FHOD3: variants seen among roughly 807,000 people sequenced by gnomAD.
The protein encoded by FHOD3 is FH1/FH2 domain-containing protein 3.
Under a neutral mutation model 173.0 loss-of-function variants are expected in FHOD3, and 90 were observed. That is an observed-to-expected ratio of 0.52 (90% CI 0.44 to 0.62). FHOD3 has a LOEUF of 0.62. Among genes scored for constraint, FHOD3 ranks in the 20% least tolerant of loss-of-function variants. The pLI, the probability that FHOD3 is intolerant of heterozygous loss-of-function variation, is 0.00. For missense variants in FHOD3, 1,945 were observed against 2,034.7 expected (o/e 0.96, Z 0.85); for synonymous variants, 828 against 823.0 (o/e 1.01, Z -0.10).
At chr18:36,504,941 C>T (rs1179167344) in intron 4 of FHOD3, among the ~76,000 whole-genome samples, 1 of 152,136 alleles carries the variant, frequency 6.6e-6, no homozygotes, top group African/African-American at 2.4e-5. Context: ...TGCAGGCTCA[C>T]AACACACGAT....
At chr18:36,703,291 C>G (rs1694235060) in intron 17 of FHOD3, among the ~76,000 whole-genome samples, 1 of 152,154 alleles carries the variant, frequency 6.6e-6, no homozygotes, top group African/African-American at 2.4e-5. Context: ...TTCTTCCTAC[C>G]TTTGCTAGAA....
chr18:36,360,146 AG>A (rs2145844484), intron 2 of FHOD3, among the ~76,000 whole-genome samples: 1 of 152,334 alleles, frequency 6.6e-6, no homozygotes, highest in African/African-American at 2.4e-5. Flanking sequence ...GTCATGGAGA[AG>A]GTGGGCTTTT....
intron 10 of FHOD3, among the ~76,000 whole-genome samples, chr18:36,633,291 C>G (rs2034643128): frequency 6.6e-6 from 1 of 152,188 alleles, no homozygotes; most frequent in Admixed American, 6.5e-5. Flanking sequence ...TGTGTTTTTT[C>G]TCTCTTAGGA....
At chr18:36,309,462 G>A (rs1026076456) in intron 1 of FHOD3, among the ~76,000 whole-genome samples, 5 of 152,218 alleles carry the variant, frequency 3.3e-5, no homozygotes, top group Non-Finnish European at 5.9e-5. Context: ...GAGGCTCTGC[G>A]TAGGAGATTT....
At chr18:36,439,073 G>A (rs2050977252) in intron 3 of FHOD3, among the ~76,000 whole-genome samples, 1 of 152,180 alleles carries the variant, frequency 6.6e-6, no homozygotes, top group African/African-American at 2.4e-5. Context: ...AAAGCTTCTA[G>A]CTAGCAGGAG....
chr18:36,706,045 G>A (rs2039861970), intron 17 of FHOD3, among the ~76,000 whole-genome samples: 1 of 151,796 alleles, frequency 6.6e-6, no homozygotes, highest in African/African-American at 2.4e-5. Flanking sequence ...TGGGAAAGGG[G>A]AGGAGAAATG....
At chr18:36,456,990 A>T (rs764375755) in intron 3 of FHOD3, among the ~76,000 whole-genome samples, 6 of 152,114 alleles carry the variant, frequency 3.9e-5, no homozygotes, top group Admixed American at 1.3e-4. Flanking sequence ...GTTTTGTGGG[A>T]CCATGAAGAT....
At chr18:36,770,575 G>A (rs1350120326) in intron 28 of FHOD3, among the ~76,000 whole-genome samples, 1 of 152,134 alleles carries the variant, frequency 6.6e-6, no homozygotes, top group Non-Finnish European at 1.5e-5. Context: ...TTGGGGTGGG[G>A]GTGCAGATAG....
intron 3 of FHOD3, among the ~76,000 whole-genome samples, chr18:36,431,099 C>T (rs748685650): frequency 3.4e-4 from 52 of 152,182 alleles, no homozygotes; most frequent in African/African-American, 6.0e-4. Flanking sequence ...AAAGGCTAAA[C>T]GTAATGGAAA....
At chr18:36,584,693 G>T (rs1404985447) in intron 6 of FHOD3, among the ~76,000 whole-genome samples, 2 of 152,154 alleles carry the variant, frequency 1.3e-5, no homozygotes, top group African/African-American at 4.8e-5. Context: ...TGTAGTCCCA[G>T]CTATCGGGAG....
chr18:36,684,721 G>A (rs947081542), intron 15 of FHOD3, among the ~76,000 whole-genome samples: 2 of 152,272 alleles, frequency 1.3e-5, no homozygotes, highest in South Asian at 2.1e-4. Context: ...AGGGACCTGC[G>A]TAATAACATC....
At chr18:36,701,286 G>T (rs570435711) in intron 17 of FHOD3, among the ~76,000 whole-genome samples, 1 of 152,130 alleles carries the variant, frequency 6.6e-6, no homozygotes, top group Non-Finnish European at 1.5e-5. Flanking sequence ...AATGATGTTG[G>T]TATAATTAAT....
chr18:36,586,545 C>A (rs2059037859), intron 6 of FHOD3, among the ~76,000 whole-genome samples: 1 of 151,444 alleles, frequency 6.6e-6, no homozygotes, highest in Non-Finnish European at 1.5e-5. Context: ...AGTGCAGTGG[C>A]ACGATCTCGG....
chr18:36,464,178 G>C (rs1325629179), intron 3 of FHOD3, among the ~76,000 whole-genome samples: 1 of 152,180 alleles, frequency 6.6e-6, no homozygotes, highest in Non-Finnish European at 1.5e-5. Flanking sequence ...CACTGCACTT[G>C]AGTTTTCAGA....
chr18:36,694,097 G>A (rs1227294696), intron 17 of FHOD3, among the ~76,000 whole-genome samples: 1 of 152,134 alleles, frequency 6.6e-6, no homozygotes, highest in South Asian at 2.1e-4. Context: ...CTGTGGGTCC[G>A]TTTTCTTTCA....
intron 3 of FHOD3, among the ~76,000 whole-genome samples, chr18:36,482,580 G>C (rs969348566): frequency 1.3e-5 from 2 of 152,122 alleles, no homozygotes; most frequent in South Asian, 2.1e-4. Context: ...GAAGGCTGGC[G>C]ACAGGGTTCT....
chr18:36,437,676 T>TC (rs2050887638), intron 3 of FHOD3, among the ~76,000 whole-genome samples: 2 of 128,774 alleles, frequency 1.6e-5, no homozygotes, highest in African/African-American at 5.6e-5. Flanking sequence ...TTTTTTTTTT[T>TC]TTTTTTAAGA....
chr18:36,410,925 A>G (rs1156906320), intron 3 of FHOD3, among the ~76,000 whole-genome samples: 1 of 152,154 alleles, frequency 6.6e-6, no homozygotes, highest in Non-Finnish European at 1.5e-5. Context: ...TATCAGATAT[A>G]CGCTTTGCAA....
intron 3 of FHOD3, among the ~76,000 whole-genome samples, chr18:36,451,678 CAG>C (rs2051855743): frequency 6.6e-6 from 1 of 152,198 alleles, no homozygotes; most frequent in African/African-American, 2.4e-5. Flanking sequence ...CTGGCAGGAA[CAG>C]AGCCCTGCTC....
Sources: allele counts gnomAD v4.1 joint callset (sites outside exome capture counted in the v4.1 genomes callset), GRCh38; gene constraint gnomAD v4.1.1; transcripts MANE v1.5; gene names NCBI Gene and HGNC (gene_info 2026-07-23, HGNC 2026-07-21).